MACROD2: variants seen among roughly 807,000 people sequenced by gnomAD.
The protein encoded by MACROD2 is ADP-ribose glycohydrolase MACROD2.
In MACROD2, 36 loss-of-function variants were observed where a neutral mutation model predicts 70.4. The ratio of observed to expected loss-of-function variants is 0.51; its 90% CI spans 0.39 to 0.68. The LOEUF (loss-of-function observed/expected upper bound fraction) is 0.68. Ranked by LOEUF, MACROD2 falls within the 30% of genes least tolerant of loss-of-function variation. The probability of loss-of-function intolerance (pLI) is 0.00; values close to 1 mark genes in which losing one functional copy is unlikely to be tolerated. For missense variants in MACROD2, 496 were observed against 538.4 expected (o/e 0.92, Z 0.78); for synonymous variants, 172 against 178.8 (o/e 0.96, Z 0.30).
At chr20:16,040,461 A>C (rs2067293208) in intron 15 of MACROD2, among the ~76,000 whole-genome samples, 1 of 152,032 alleles carries the variant, frequency 6.6e-6, no homozygotes, top group Admixed American at 6.6e-5. Context: ...GTATTTACAA[A>C]TGTCCTTGCT....
intron 6 of MACROD2, among the ~76,000 whole-genome samples, chr20:15,269,743 A>C (rs2077329176): frequency 6.6e-6 from 1 of 152,176 alleles, no homozygotes; most frequent in Non-Finnish European, 1.5e-5. Context: ...TTTCTGAAGA[A>C]GACAATTCAT....
At chr20:14,299,710 C>T (rs948440763) in intron 3 of MACROD2, among the ~76,000 whole-genome samples, 1 of 151,982 alleles carries the variant, frequency 6.6e-6, no homozygotes, top group African/African-American at 2.4e-5. Flanking sequence ...AACTACTTAA[C>T]CTGGGAATTT....
At chr20:14,364,048 GT>G (rs1027937397) in intron 3 of MACROD2, among the ~76,000 whole-genome samples, 21 of 151,908 alleles carry the variant, frequency 1.4e-4, no homozygotes, top group African/African-American at 3.9e-4. Flanking sequence ...GGGTATTAGT[GT>G]TTTTTAAAAG....
intron 5 of MACROD2, among the ~76,000 whole-genome samples, chr20:14,710,923 C>T (rs73104513): frequency 0.11 from 16,018 of 152,198 alleles, 1,013 homozygotes; most frequent in Middle Eastern, 0.17. Context: ...GACTCTTCTC[C>T]TGAGAGATCT....
intron 6 of MACROD2, among the ~76,000 whole-genome samples, chr20:15,266,072 T>G (rs1251238625): frequency 6.6e-6 from 1 of 152,222 alleles, no homozygotes; most frequent in African/African-American, 2.4e-5. Context: ...ATCTTTACAT[T>G]AAGACTTTGC....
In MACROD2 at chr20:14,946,756, C is replaced by T. The variant is rs1422296225; in HGVS notation, c.418+261797C>T. Among the ~76,000 whole-genome samples the T allele has an allele frequency of 2.0e-5, 3 of 152,266 alleles. No homozygotes were observed. In the East Asian group the frequency reaches 5.8e-4, roughly 29 times the overall value. ...GTGCTTCCTAGTGGCAGGCACCTAG[C>T]ACACTCCAAGTAGGAATTCATAGAT... On this transcript the variant is annotated intron_variant, in intron 5 of 17. Transcript: ENST00000684519.
At chr20:14,367,351 G>T (rs948116096) in intron 3 of MACROD2, among the ~76,000 whole-genome samples, 1 of 152,162 alleles carries the variant, frequency 6.6e-6, no homozygotes, top group Non-Finnish European at 1.5e-5. Flanking sequence ...TTATCATGCA[G>T]TTACTTTTAC....
chr20:15,231,464 G>A (rs1426268744), intron 6 of MACROD2, among the ~76,000 whole-genome samples: 1 of 152,004 alleles, frequency 6.6e-6, no homozygotes, highest in East Asian at 1.9e-4. Flanking sequence ...TGAAGTGCTT[G>A]GAAAATGGAT....
chr20:15,297,055 A>C lies in MACROD2; in HGVS notation c.540+66994A>C, dbSNP rs568258672. Reference sequence around the variant, plus strand: ...CATGGTCAGATACCCTGTGGTTTCCAGTGCTGGGCGGCTTACACAGGAGAA... The same window carrying C: ...CATGGTCAGATACCCTGTGGTTTCCCGTGCTGGGCGGCTTACACAGGAGAA... On this transcript the variant is annotated intron_variant, in intron 6 of 17. Transcript: ENST00000684519. Among the ~76,000 whole-genome samples the C allele has an allele frequency of 6.6e-5, 10 of 152,262 alleles. No homozygotes were observed. In the East Asian group the frequency reaches 1.9e-3, roughly 29 times the overall value.
chr20:14,436,457 T>C (rs2084057406), intron 3 of MACROD2, among the ~76,000 whole-genome samples: 1 of 152,166 alleles, frequency 6.6e-6, no homozygotes, highest in African/African-American at 2.4e-5. Context: ...GGCTGTAAAT[T>C]ATGTAGATTT....
chr20:15,106,650 A>C (rs2075912807), intron 5 of MACROD2, among the ~76,000 whole-genome samples: 1 of 152,178 alleles, frequency 6.6e-6, no homozygotes, highest in African/African-American at 2.4e-5. Context: ...TGGTATCTGC[A>C]GCCATCACCC....
chr20:15,426,314 A>G (rs2046297475), intron 6 of MACROD2, among the ~76,000 whole-genome samples: 1 of 152,104 alleles, frequency 6.6e-6, no homozygotes, highest in African/African-American at 2.4e-5. Context: ...TTCACATAAG[A>G]AAAAATTCTC....
chr20:14,713,515 A>G (rs2071362026), intron 5 of MACROD2, among the ~76,000 whole-genome samples: 1 of 152,192 alleles, frequency 6.6e-6, no homozygotes, highest in Non-Finnish European at 1.5e-5. Context: ...TGTTACTCCA[A>G]GAATTTTCCA....
At chr20:14,487,364 G>A (rs528744109) in intron 3 of MACROD2, among the ~76,000 whole-genome samples, 1 of 152,292 alleles carries the variant, frequency 6.6e-6, no homozygotes, top group East Asian at 1.9e-4. Context: ...TTTGCTGAGA[G>A]GAGTAAAAGT....
chr20:15,416,830 G>T (rs2046158423), intron 6 of MACROD2, among the ~76,000 whole-genome samples: 1 of 152,110 alleles, frequency 6.6e-6, no homozygotes, highest in Non-Finnish European at 1.5e-5. Context: ...GTGAACCCGG[G>T]AGGCAGAGCT....
intron 5 of MACROD2, among the ~76,000 whole-genome samples, chr20:14,935,812 T>C (rs1311967063): frequency 1.3e-5 from 2 of 152,206 alleles, no homozygotes; most frequent in Non-Finnish European, 2.9e-5. Context: ...AGTAATCTTC[T>C]TTACAAATGA....
intron 7 of MACROD2, among the ~76,000 whole-genome samples, chr20:15,443,047 G>A (rs1217683702): frequency 6.6e-6 from 1 of 151,990 alleles, no homozygotes; most frequent in Non-Finnish European, 1.5e-5. Flanking sequence ...TACATCAGTG[G>A]AAACTAAAAT....
chr20:14,981,706 T>C (rs2074802611), intron 5 of MACROD2, among the ~76,000 whole-genome samples: 1 of 152,128 alleles, frequency 6.6e-6, no homozygotes, highest in Non-Finnish European at 1.5e-5. Context: ...AGATGTGCCT[T>C]TCACCTTCCA....
intron 5 of MACROD2, among the ~76,000 whole-genome samples, chr20:15,017,733 C>T (rs1054434859): frequency 6.6e-6 from 1 of 152,212 alleles, no homozygotes; most frequent in African/African-American, 2.4e-5. Context: ...CTTCTGTGCA[C>T]CTGCAGGCTC....
Sources: gnomAD v4.1 joint callset for allele counts (sites outside exome capture counted in the v4.1 genomes callset) on GRCh38, gnomAD v4.1.1 for gene constraint, MANE v1.5 for transcripts, NCBI Gene and HGNC (gene_info 2026-07-23, HGNC 2026-07-21) for gene names.